CDH13: variants seen among roughly 807,000 people sequenced by gnomAD.
CDH13 encodes cadherin-13.
In CDH13, 24 loss-of-function variants were observed where a neutral mutation model predicts 63.8. That is an observed-to-expected ratio of 0.38 (90% confidence interval 0.27 to 0.53). The LOEUF is 0.53. Ranked by LOEUF, CDH13 falls within the 20% of genes least tolerant of loss-of-function variation. CDH13 has a pLI of 0.85. For missense variants in CDH13, 1,049 were observed against 903.1 expected, an observed-to-expected ratio of 1.16 and a Z score of -2.07; for synonymous variants, 503 against 355.3, an observed-to-expected ratio of 1.42 and a Z score of -4.67.
intron 3 of CDH13, among the ~76,000 whole-genome samples, chr16:83,082,941 G>A (rs934679515): frequency 6.6e-6 from 1 of 151,820 alleles, no homozygotes; most frequent in Admixed American, 6.6e-5. Flanking sequence ...CCCAGACAGT[G>A]TGTTTTAAAC....
At chr16:82,686,003 A>G (rs1338904937) in intron 1 of CDH13, among the ~76,000 whole-genome samples, 2 of 152,140 alleles carry the variant, frequency 1.3e-5, no homozygotes, top group East Asian at 3.9e-4. Context: ...AAAGAGTACC[A>G]TATTTCTCTT....
intron 9 of CDH13, among the ~76,000 whole-genome samples, chr16:83,674,936 C>T (rs17689723): frequency 0.097 from 14,794 of 152,248 alleles, 944 homozygotes; most frequent in Non-Finnish European, 0.14. Context: ...TTTCACAGGC[C>T]TAAACATAGC....
rs534668246 is a variant in CDH13 at position 83,622,254 on chromosome 16, C to T, written c.1101+19660C>T. On this transcript the variant is annotated intron_variant, in intron 8 of 13. Coordinates refer to ENST00000567109, the MANE Select transcript of CDH13 (RefSeq NM_001257.5). ...TTTAGGACGATACCTGAGACTTCAGCGTGGTGGGGCAGGAATGTGAGGTGT... is the reference window on the plus strand; with the variant it reads ...TTTAGGACGATACCTGAGACTTCAGTGTGGTGGGGCAGGAATGTGAGGTGT... 2.0e-5 allele frequency among the ~76,000 whole-genome samples: 3 copies of T among 152,042 alleles called. No homozygotes were observed. In the South Asian group the frequency reaches 6.2e-4, roughly 32 times the overall value.
chr16:83,756,632 T>G (rs1280440758), intron 11 of CDH13, among the ~76,000 whole-genome samples: 1 of 152,198 alleles, frequency 6.6e-6, no homozygotes, highest in African/African-American at 2.4e-5. Context: ...CTTCTTCCAA[T>G]GTGGCCCAGG....
At chr16:82,971,125 G>C (rs759812814) in intron 2 of CDH13, among the ~76,000 whole-genome samples, 5 of 152,124 alleles carry the variant, frequency 3.3e-5, no homozygotes, top group Non-Finnish European at 7.4e-5. Flanking sequence ...AGACCAGCAG[G>C]AGCAGGTGCA....
At chr16:82,715,383 G>A (rs918254846) in intron 1 of CDH13, among the ~76,000 whole-genome samples, 6 of 152,044 alleles carry the variant, frequency 3.9e-5, no homozygotes, top group African/African-American at 1.2e-4. Flanking sequence ...AGGCGGCCCC[G>A]CCCCATGCTC....
At chr16:83,131,067 T>C (rs186529847) in intron 4 of CDH13, among the ~76,000 whole-genome samples, 4 of 152,182 alleles carry the variant, frequency 2.6e-5, no homozygotes, top group Admixed American at 6.5e-5. Flanking sequence ...GTAGCTAAAC[T>C]ACTAGAATTT....
chr16:83,087,775 A>G (rs1257458475), intron 3 of CDH13, among the ~76,000 whole-genome samples: 1 of 150,434 alleles, frequency 6.6e-6, no homozygotes, highest in East Asian at 2.0e-4. Flanking sequence ...AAACCTAATG[A>G]TGTTTATTTT....
At chr16:83,777,546 A>G (rs1915208157) in intron 11 of CDH13, among the ~76,000 whole-genome samples, 1 of 152,232 alleles carries the variant, frequency 6.6e-6, no homozygotes. Flanking sequence ...GCTGAGAAGC[A>G]GCTTGGAGTT....
chr16:83,577,438 C>G (rs1905163332), intron 7 of CDH13, among the ~76,000 whole-genome samples: 1 of 152,192 alleles, frequency 6.6e-6, no homozygotes, highest in African/African-American at 2.4e-5. Flanking sequence ...CTGGGGATGT[C>G]TGAGATATAA....
intron 5 of CDH13, among the ~76,000 whole-genome samples, chr16:83,329,685 C>A (rs1035747084): frequency 1.8e-4 from 27 of 152,118 alleles, no homozygotes; most frequent in African/African-American, 6.5e-4. Flanking sequence ...CCCTTTGCCC[C>A]CTTTCTGTGT....
At chr16:83,146,206 A>AAAAAAAAAAAAG (rs1472391722) in intron 4 of CDH13, among the ~76,000 whole-genome samples, 22 of 147,744 alleles carry the variant, frequency 1.5e-4, no homozygotes, top group African/African-American at 5.5e-4. Flanking sequence ...AAAAAAAAAA[A>AAAAAAAAAAAAG]AAAAGAAAAG....
chr16:82,766,502 T>C (rs990767900), intron 1 of CDH13, among the ~76,000 whole-genome samples: 1 of 152,236 alleles, frequency 6.6e-6, no homozygotes, highest in South Asian at 2.1e-4. Context: ...ATTCTGCCAG[T>C]ACACCTTTCT....
rs143038657 is a variant in CDH13 at position 82,857,625 on chromosome 16, A to G, written c.46-737A>G. On this transcript the variant is annotated intron_variant, in intron 1 of 13. Transcript: ENST00000567109. ...CTGCAAAGACAGAACTGTGCCTTTGAAAGCAATTGTAAATTTTAAGTTTTA... is the reference window on the plus strand; with the variant it reads ...CTGCAAAGACAGAACTGTGCCTTTGGAAGCAATTGTAAATTTTAAGTTTTA... Among the ~76,000 whole-genome samples, 474 of 152,380 alleles carry G rather than the reference A, an allele frequency of 3.1e-3. 4 individuals carry two copies. The highest frequency in any genetic ancestry group is 0.01 in the African/African-American group (424 of 41,600).
At chr16:82,683,471 G>C (rs1194929818) in intron 1 of CDH13, among the ~76,000 whole-genome samples, 1 of 152,158 alleles carries the variant, frequency 6.6e-6, no homozygotes, top group Non-Finnish European at 1.5e-5. Flanking sequence ...ATGGCCGTAT[G>C]GTGAGAGACT....
At chr16:83,301,871 G>A (rs1235414332) in intron 5 of CDH13, among the ~76,000 whole-genome samples, 1 of 151,966 alleles carries the variant, frequency 6.6e-6, no homozygotes, top group East Asian at 1.9e-4. Context: ...AATAGGCAGG[G>A]AGAGGGGTGC....
chr16:82,931,029 C>G (rs1400035536), intron 2 of CDH13, among the ~76,000 whole-genome samples: 1 of 152,192 alleles, frequency 6.6e-6, no homozygotes, highest in Non-Finnish European at 1.5e-5. Flanking sequence ...AGGTTGAACC[C>G]TCTGCTGAAG....
intron 2 of CDH13, among the ~76,000 whole-genome samples, chr16:82,862,704 C>T (rs1444904765): frequency 6.6e-6 from 1 of 152,228 alleles, no homozygotes; most frequent in Non-Finnish European, 1.5e-5. Flanking sequence ...AGGAAAGAAC[C>T]TGCATTAACA....
chr16:83,070,051 G>A (rs1030353616), intron 3 of CDH13, among the ~76,000 whole-genome samples: 16 of 152,090 alleles, frequency 1.1e-4, no homozygotes, highest in African/African-American at 3.4e-4. Context: ...GGCACTTGAT[G>A]CTTCTCTAGA....
Sources: allele counts gnomAD v4.1 joint callset (sites outside exome capture counted in the v4.1 genomes callset), GRCh38; gene constraint gnomAD v4.1.1; transcripts MANE v1.5; gene names NCBI Gene and HGNC (gene_info 2026-07-23, HGNC 2026-07-21).